Variants in ZIM2 observed in about 807,000 individuals in gnomAD.
The protein encoded by ZIM2 is zinc finger protein 656.
A neutral mutation model predicts 38.6 loss-of-function variants in ZIM2; 14 were observed. The ratio of observed to expected loss-of-function variants is 0.36; its 90% confidence interval spans 0.24 to 0.57. The LOEUF is 0.57. ZIM2 is among the 20% of genes least tolerant of loss of function. The pLI is 0.81. For synonymous variants in ZIM2, 247 were observed against 245.8 expected (o/e 1.00, Z -0.04); for missense variants, 680 against 695.1 (o/e 0.98, Z 0.24).
At chr19:56,820,103 G>C (rs369470226) in intron 7 of ZIM2, among the ~76,000 whole-genome samples, 2 of 152,162 alleles carry the variant, frequency 1.3e-5, no homozygotes, top group East Asian at 1.9e-4. Context: ...TTGGTTGTTC[G>C]CTTTGTGTTT....
chr19:56,806,823 T>C (rs113843418), intron 9 of ZIM2, among the ~76,000 whole-genome samples: 5 of 152,292 alleles, frequency 3.3e-5, no homozygotes, highest in African/African-American at 1.2e-4. Flanking sequence ...TAGCCTCTTT[T>C]GCCATGTGAG....
At chr19:56,836,268 G>T (rs1352887576) in intron 1 of ZIM2, among the ~76,000 whole-genome samples, 164 bp from the exon 2 acceptor site, 1 of 152,082 alleles carries the variant, frequency 6.6e-6, no homozygotes, top group African/African-American at 2.4e-5. Context: ...CACGGGTATA[G>T]CTCCCTTAGA....
chr19:56,835,443 C>T (rs2061995358), intron 2 of ZIM2, among the ~76,000 whole-genome samples: 1 of 152,200 alleles, frequency 6.6e-6, no homozygotes, highest in Admixed American at 6.5e-5. Context: ...ATCCCCTCTG[C>T]TGAGACTACT....
At chr19:56,792,281 A>G (rs1262768450) in intron 9 of ZIM2, among the ~76,000 whole-genome samples, 3 of 151,984 alleles carry the variant, frequency 2.0e-5, no homozygotes, top group Non-Finnish European at 4.4e-5. Flanking sequence ...TAATTCCAGC[A>G]TTTTGGGAGG....
intron 12 of ZIM2, among the ~76,000 whole-genome samples, chr19:56,776,246 G>C (rs1363408545): frequency 6.6e-6 from 1 of 152,132 alleles, no homozygotes; most frequent in Non-Finnish European, 1.5e-5. Context: ...AGAAAGAGCT[G>C]GGGTTGGGGT....
intron 9 of ZIM2, chr19:56,810,865 G>A: frequency 1.0e-6 from 1 of 965,602 alleles, no homozygotes. Flanking sequence ...TTTTTCCTCT[G>A]GGTATGTATT....
intron 2 of ZIM2, 130 bp from the exon 3 acceptor site, chr19:56,826,593 C>T (rs1240613616): frequency 2.6e-5 from 4 of 152,150 alleles, no homozygotes; most frequent in Non-Finnish European, 4.4e-5. Context: ...TCTATACCTT[C>T]GGGGAAAGGC....
chr19:56,801,303 G>C (rs1443667060), intron 9 of ZIM2, among the ~76,000 whole-genome samples: 1 of 151,842 alleles, frequency 6.6e-6, no homozygotes, highest in Non-Finnish European at 1.5e-5. Context: ...TATAATCTTT[G>C]ACCTATAGCT....
At position 56,809,682 on chromosome 19, in the gene ZIM2, G is replaced by C. The variant is rs79174259; in HGVS notation, c.490+8064C>G. 1.2e-3 allele frequency among the ~76,000 whole-genome samples: 189 copies of C among 152,316 alleles called. 2 individuals carry two copies. Among genetic ancestry groups the C allele is most frequent in the African/African-American group, 4.0e-3 (168 of 41,562 alleles). ...AATTACCTTTTAACCTCAGGCAAGA[G>C]TCAGGAATAAACACTTGAGATTCTA... On this transcript the variant is annotated intron_variant, in intron 9 of 12. Transcript: ENST00000629319.
Position 56,836,103 on chromosome 19 carries a change from A to G in ZIM2, c.-312T>C, listed in dbSNP as rs1312708853. On this transcript the variant is annotated splice_region_variant and 5_prime_UTR_variant, in exon 2 of 13. Transcript: ENST00000629319. The stretch of plus-strand genomic sequence containing the variant: ...GAAGGACGGAAGATCAAGAAGGCAA[A>G]GCTGTAGAGGAAAAGAAAATGTGAG... The G allele has an allele frequency of 8.3e-6, 4 of 479,554 alleles. No individual in the cohort carries two copies. In the Admixed American group the frequency reaches 8.8e-5, roughly 11 times the overall value. The allele number at this position is 479,554 out of a possible 1,614,324, so 29.7% of individuals were successfully genotyped here.
At chr19:56,797,661 T>C (rs1568582258) in intron 9 of ZIM2, among the ~76,000 whole-genome samples, 2 of 152,154 alleles carry the variant, frequency 1.3e-5, no homozygotes, top group African/African-American at 4.8e-5. Flanking sequence ...CCTCCTCCTC[T>C]TCCTCCTCCC....
chr19:56,835,778 C>A (rs947676432), intron 2 of ZIM2, among the ~76,000 whole-genome samples: 1 of 151,968 alleles, frequency 6.6e-6, no homozygotes, highest in African/African-American at 2.4e-5. Flanking sequence ...AAAGAGTAGC[C>A]CTGAAGGAGT....
intron 12 of ZIM2, 124 bp from the exon 13 acceptor site, chr19:56,775,653 A>T (rs973623104): frequency 6.9e-7 from 1 of 1,447,286 alleles, no homozygotes; most frequent in Non-Finnish European, 9.1e-7. Flanking sequence ...TCTTTTCCTA[A>T]TCTGAAAAAA....
chr19:56,837,604 G>A (rs1055032324), intron 1 of ZIM2, among the ~76,000 whole-genome samples: 1 of 152,248 alleles, frequency 6.6e-6, no homozygotes, highest in Non-Finnish European at 1.5e-5. Context: ...CAGCCATGAG[G>A]GCACGCTGCC....
At chr19:56,822,614 T>C (rs1448061454) in intron 6 of ZIM2, 139 bp downstream of exon 6, 2 of 1,209,798 alleles carry the variant, frequency 1.7e-6, no homozygotes, top group African/African-American at 3.0e-5. Flanking sequence ...AATACGAGCC[T>C]TGGACTAAAC....
rs757037507 is a variant in ZIM2, at chr19:56,814,806, A to C, written c.490+2940T>G. 2 of 1,614,200 alleles carry C rather than the reference A, an allele frequency of 1.2e-6. No individual in the cohort carries two copies. The highest frequency in any genetic ancestry group is 8.5e-7 in the Non-Finnish European group (1 of 1,180,046). On this transcript the variant is annotated intron_variant, in intron 9 of 12. Coordinates refer to ENST00000629319, the MANE Select transcript of ZIM2 (RefSeq NM_001387356.1). This position sits in a 1 kb window ranked among gnomAD's most constrained non-coding sequence, Gnocchi z 5.8. ...CAAGAGCAGGATTCCTCTCTGCAGC[A>C]CGATTCCTCCGTGGCTTCATGGGCA...
At chr19:56,810,763 CAAGA>C (rs1314812100) in intron 9 of ZIM2, 3 of 983,078 alleles carry the variant, frequency 3.1e-6, no homozygotes, top group South Asian at 4.7e-5. Context: ...TGCACTGAAA[CAAGA>C]TAGAGGAAAC....
intron 10 of ZIM2, among the ~76,000 whole-genome samples, chr19:56,785,767 T>C (rs1215168407): frequency 6.6e-6 from 1 of 152,238 alleles, no homozygotes; most frequent in Non-Finnish European, 1.5e-5. Context: ...CCAATTTTAA[T>C]GTGCACACAA....
At chr19:56,789,053 CT>C (rs367826442) in intron 10 of ZIM2, among the ~76,000 whole-genome samples, 6 of 151,798 alleles carry the variant, frequency 4.0e-5, no homozygotes, top group African/African-American at 1.5e-4. Context: ...TTCCTCTAAC[CT>C]TTTTTCAAGG....
Sources: gnomAD v4.1 joint callset for allele counts (sites outside exome capture counted in the v4.1 genomes callset) on GRCh38, gnomAD v4.1.1 for gene constraint, Gnocchi (gnomAD v3.1) non-coding constraint, MANE v1.5 for transcripts, NCBI Gene and HGNC (gene_info 2026-07-23, HGNC 2026-07-21) for gene names.